Variants in GRXCR1 observed in about 807,000 individuals in gnomAD.
GRXCR1 encodes glutaredoxin domain-containing cysteine-rich protein 1.
Under a neutral mutation model 27.3 loss-of-function variants are expected in GRXCR1, and 27 were observed. The ratio of observed to expected loss-of-function variants is 0.99; its 90% CI spans 0.73 to 1.37. The LOEUF (loss-of-function observed/expected upper bound fraction) is 1.37. Among genes scored for constraint, GRXCR1 ranks in the 40% most tolerant of loss-of-function variants. The pLI, the probability that GRXCR1 is intolerant of heterozygous loss-of-function variation, is 0.00. For missense variants in GRXCR1, 379 were observed against 354.4 expected, an observed-to-expected ratio of 1.07 and a Z score of -0.56; for synonymous variants, 122 against 131.1, an observed-to-expected ratio of 0.93 and a Z score of 0.47.
intron 2 of GRXCR1, among the ~76,000 whole-genome samples, chr4:42,986,408 A>G (rs1711725404): frequency 6.6e-6 from 1 of 152,156 alleles, no homozygotes; most frequent in African/African-American, 2.4e-5. Flanking sequence ...GTCAATTCTC[A>G]TCCATTTCCT....
chr4:42,979,361 T>A (rs1206110344), intron 2 of GRXCR1, among the ~76,000 whole-genome samples: 1 of 152,102 alleles, frequency 6.6e-6, no homozygotes, highest in Non-Finnish European at 1.5e-5. Context: ...ATTTCTTCTA[T>A]ATCTAAATTG....
chr4:42,976,771 T>C (rs1748533745), intron 2 of GRXCR1, among the ~76,000 whole-genome samples: 1 of 152,058 alleles, frequency 6.6e-6, no homozygotes, highest in Non-Finnish European at 1.5e-5. Flanking sequence ...TGGCTAAATC[T>C]AGCTAATTAA....
intron 2 of GRXCR1, among the ~76,000 whole-genome samples, chr4:43,012,238 T>G (rs150781630): frequency 0.021 from 3,162 of 152,316 alleles, 52 homozygotes; most frequent in Non-Finnish European, 0.03. Flanking sequence ...TGAAGAACAC[T>G]TTATGTATTC....
chr4:42,986,582 G>GCTCTCTGC (rs559809603), intron 2 of GRXCR1, among the ~76,000 whole-genome samples: 83 of 152,286 alleles, frequency 5.5e-4, no homozygotes, highest in South Asian at 1.0e-3. Flanking sequence ...GGAAGTTCAA[G>GCTCTCTGC]CTCTCTGCTG....
chr4:43,002,901 C>T lies in GRXCR1; in HGVS notation c.628-17453C>T, dbSNP rs114578331. On this transcript the variant is annotated intron_variant, in intron 2 of 3. Transcript: ENST00000399770. Reference sequence around the variant, plus strand: ...CCAAATCTCATGACAAATTGTAATCCCCATGTGTCAAGGAAGAAACCTGGT... The same window carrying T: ...CCAAATCTCATGACAAATTGTAATCTCCATGTGTCAAGGAAGAAACCTGGT... Among the ~76,000 whole-genome samples the T allele has an allele frequency of 4.4e-3, 664 of 152,118 alleles. 7 individuals are homozygous for T. Among genetic ancestry groups the T allele is most frequent in the African/African-American group, 0.013 (552 of 41,498 alleles).
At chr4:42,912,893 T>C (rs73240015) in intron 1 of GRXCR1, among the ~76,000 whole-genome samples, 31,505 of 151,942 alleles carry the variant, frequency 0.21, 3,328 homozygotes, top group South Asian at 0.32. Context: ...CAGTTTCCCC[T>C]CTAGTGTCTC....
At chr4:43,017,229 C>A (rs1712957647) in intron 2 of GRXCR1, among the ~76,000 whole-genome samples, 1 of 152,204 alleles carries the variant, frequency 6.6e-6, no homozygotes, top group African/African-American at 2.4e-5. Context: ...TCTTGGGCAC[C>A]TAGTCAACAG....
intron 1 of GRXCR1, among the ~76,000 whole-genome samples, chr4:42,919,129 T>G (rs1015050007): frequency 2.0e-5 from 3 of 152,174 alleles, no homozygotes; most frequent in Admixed American, 6.6e-5. Context: ...TGGGGATTAG[T>G]GTCATCTTTT....
chr4:42,914,810 G>A (rs1359755603), intron 1 of GRXCR1, among the ~76,000 whole-genome samples: 1 of 152,242 alleles, frequency 6.6e-6, no homozygotes, highest in Non-Finnish European at 1.5e-5. Context: ...CTGGGACCAG[G>A]TGGAGATAAT....
At chr4:42,957,200 A>C (rs1748024678) in intron 1 of GRXCR1, among the ~76,000 whole-genome samples, 1 of 152,086 alleles carries the variant, frequency 6.6e-6, no homozygotes, top group Non-Finnish European at 1.5e-5. Flanking sequence ...TTGATCTCTA[A>C]GACAAGAAGA....
chr4:42,925,289 G>A (rs960851176), intron 1 of GRXCR1, among the ~76,000 whole-genome samples: 14 of 152,126 alleles, frequency 9.2e-5, no homozygotes, highest in African/African-American at 3.4e-4. Flanking sequence ...TGGGGGGCAT[G>A]AGTAAAGGCA....
Position 43,029,757 on chromosome 4 carries a change from G to C in GRXCR1, c.694-604G>C, listed in dbSNP as rs116176202. Among the ~76,000 whole-genome samples the C allele has an allele frequency of 7.2e-3, 1,093 of 152,230 alleles. 7 individuals are homozygous for C. The highest frequency in any genetic ancestry group is 0.011 in the Non-Finnish European group (732 of 68,004). ...AGATAAAATGAGGATAATGATGCTC[G>C]AATTAAGTCTTTACTGAAAAAGGTG... On this transcript the variant is annotated intron_variant, in intron 3 of 3. Transcript: ENST00000399770.
intron 2 of GRXCR1, among the ~76,000 whole-genome samples, chr4:43,007,944 C>A (rs1712616763): frequency 6.6e-6 from 1 of 152,122 alleles, no homozygotes; most frequent in Non-Finnish European, 1.5e-5. Context: ...TTCATTTTTA[C>A]AATGTTTCCA....
chr4:43,014,550 G>A (rs1191346662), intron 2 of GRXCR1, among the ~76,000 whole-genome samples: 1 of 152,108 alleles, frequency 6.6e-6, no homozygotes, highest in Non-Finnish European at 1.5e-5. Flanking sequence ...GTCCTCATCA[G>A]AGAGTGCAGC....
chr4:43,005,445 T>C (rs1202280650), intron 2 of GRXCR1, among the ~76,000 whole-genome samples: 1 of 152,252 alleles, frequency 6.6e-6, no homozygotes, highest in African/African-American at 2.4e-5. Flanking sequence ...GCTTTAATTC[T>C]ATGCTCACTT....
chr4:42,915,617 G>A (rs1387972037), intron 1 of GRXCR1, among the ~76,000 whole-genome samples: 8 of 151,962 alleles, frequency 5.3e-5, no homozygotes, highest in Non-Finnish European at 1.2e-4. Context: ...GGTCCTATTT[G>A]CAAAGCTCTG....
chr4:43,016,659 A>C (rs557513738), intron 2 of GRXCR1, among the ~76,000 whole-genome samples: 5 of 147,488 alleles, frequency 3.4e-5, no homozygotes, highest in Middle Eastern at 3.5e-3. Context: ...GTGTGTGTGC[A>C]TGTGTGGCTT....
At chr4:42,901,706 T>C (rs748305675) in intron 1 of GRXCR1, among the ~76,000 whole-genome samples, 4 of 152,174 alleles carry the variant, frequency 2.6e-5, no homozygotes, top group Non-Finnish European at 5.9e-5. Context: ...TTAAGCTTAT[T>C]TTGTACATGA....
At chr4:43,026,153 T>C (rs1713253410) in intron 3 of GRXCR1, among the ~76,000 whole-genome samples, 1 of 152,132 alleles carries the variant, frequency 6.6e-6, no homozygotes, top group Non-Finnish European at 1.5e-5. Flanking sequence ...ACTTTGTCCG[T>C]GTTCTTTGGG....
Sources: allele counts gnomAD v4.1 joint callset (sites outside exome capture counted in the v4.1 genomes callset), GRCh38; gene constraint gnomAD v4.1.1; transcripts MANE v1.5; gene names NCBI Gene and HGNC (gene_info 2026-07-23, HGNC 2026-07-21).